GRIN2C: variants seen among roughly 807,000 people sequenced by gnomAD.
The protein encoded by GRIN2C is glutamate ionotropic receptor NMDA type subunit 2C.
A neutral mutation model predicts 77.7 loss-of-function variants in GRIN2C; 64 were observed. The observed-to-expected ratio is 0.82, with a 90% CI of 0.67 to 1.01. GRIN2C has a LOEUF of 1.01. GRIN2C is among the 50% of genes least tolerant of loss of function. The pLI is 0.00. For synonymous variants in GRIN2C, 792 were observed against 643.4 expected, an observed-to-expected ratio of 1.23 and a Z score of -3.49; for missense variants, 1,549 against 1,486.0, an observed-to-expected ratio of 1.04 and a Z score of -0.70.
chr17:74,843,013 A>G lies in GRIN2C; in HGVS notation c.3124T>C (p.Phe1042Leu). The G allele has an allele frequency of 4.4e-6, 2 of 454,100 alleles. No homozygotes were observed. Among genetic ancestry groups the G allele is most frequent in the South Asian group, 2.9e-5 (1 of 34,158 alleles). 28.1% of individuals were successfully genotyped at this position (454,100 alleles called of 1,614,324 possible). The change falls in exon 13 of 13, where the codon TTC (phenylalanine) becomes CTC (leucine). Residue 1042 changes from phenylalanine to leucine, a missense_variant. Physicochemically the swap from Phe to Leu is conservative, Grantham distance 22. Transcript: ENST00000293190. ...FPRADRSGRP[F>L]LPLFPELEDL... is the part of the protein sequence containing the mutation. The stretch of plus-strand genomic sequence containing the variant: ...TCCAGCTCCGGGAAGAGCGGGAGGA[A>G]GGGGCGGCCGGATCGGTCGGCTCGA...
chr17:74,847,752 G>C lies in GRIN2C; in HGVS notation c.1771+100C>G. On this transcript the variant is annotated intron_variant, in intron 8 of 12. Coordinates refer to ENST00000293190, the MANE Select transcript of GRIN2C (RefSeq NM_000835.6). This position sits in a 1 kb window ranked among gnomAD's most constrained non-coding sequence, Gnocchi z 5.2. ...CCCAGCATGTGCCATCCAAAAGCAA[G>C]GGACCTCCCAAAGGTATTCTCTGAA... 7.9e-7 allele frequency: 1 copy of C among 1,272,634 alleles called. No individual in the cohort carries two copies. Among genetic ancestry groups the C allele is most frequent in the Non-Finnish European group, 1.1e-6 (1 of 894,940 alleles). 78.8% of individuals were successfully genotyped at this position (1,272,634 alleles called of 1,614,324 possible). A position where few individuals can be genotyped will look rare whatever the true frequency, so the allele number is the denominator to read the frequency against.
intron 11 of GRIN2C, among the ~76,000 whole-genome samples, chr17:74,845,633 G>A (rs2037432201): frequency 6.6e-6 from 1 of 152,082 alleles, no homozygotes; most frequent in Non-Finnish European, 1.5e-5. Context: ...CTGGGTTTGG[G>A]GGCAGGCTGG....
Position 74,851,565 on chromosome 17 carries a change from C to T in GRIN2C, c.1113+12G>A, listed in dbSNP as rs1240046557. ...AGGACACTGAGGGCCCCTGGGCTCA[C>T]CCCCTTCTCACCATCTCCCAGAGGC... On this transcript the variant is annotated intron_variant, in intron 4 of 12. Coordinates refer to ENST00000293190, the MANE Select transcript of GRIN2C (RefSeq NM_000835.6). 8.6e-6 allele frequency: 13 copies of T among 1,508,638 alleles called. No individual in the cohort carries two copies. The highest frequency in any genetic ancestry group is 3.9e-5 in the Admixed American group (2 of 51,152). The allele number at this position is 1,508,638 out of a possible 1,614,324, so 93.5% of individuals were successfully genotyped here.
Position 74,842,363 on chromosome 17 carries a change from C to A in GRIN2C, c.*72G>T. 1 of 705,444 alleles carries A rather than the reference C, an allele frequency of 1.4e-6. No homozygotes were observed. The highest frequency in any genetic ancestry group is 2.6e-6 in the Non-Finnish European group (1 of 383,054). 43.7% of individuals were successfully genotyped at this position (705,444 alleles called of 1,614,324 possible). Reference sequence around the variant, plus strand: ...ATGGCAGAAGCCAGAAAAGCCCAATCCTGCCTGCCGCTTAACCCTGACAGT... The same window carrying A: ...ATGGCAGAAGCCAGAAAAGCCCAATACTGCCTGCCGCTTAACCCTGACAGT... On this transcript the variant is annotated 3_prime_UTR_variant, in exon 13 of 13. Transcript: ENST00000293190.
At chr17:74,856,475 C>T (rs1298786522) in intron 1 of GRIN2C, among the ~76,000 whole-genome samples, 1 of 93,572 alleles carries the variant, frequency 1.1e-5, no homozygotes, top group African/African-American at 3.8e-5. Flanking sequence ...AAATTTCTCT[C>T]TCTCTCTTTT....
chr17:74,850,537 C>T lies in GRIN2C; in HGVS notation c.1325+19G>A. ...GGCAGCACCCAGCTCACACTAGCCTCCCAGGGCCCTCCACAGACCTGAAGG... is the reference window on the plus strand; with the variant it reads ...GGCAGCACCCAGCTCACACTAGCCTTCCAGGGCCCTCCACAGACCTGAAGG... On this transcript the variant is annotated intron_variant, in intron 5 of 12. Coordinates refer to ENST00000293190, the MANE Select transcript of GRIN2C (RefSeq NM_000835.6). This position sits in a 1 kb window ranked among gnomAD's most constrained non-coding sequence, Gnocchi z 5.3. 1 of 1,611,424 alleles carries T rather than the reference C, an allele frequency of 6.2e-7. No homozygotes were observed. Among genetic ancestry groups the T allele is most frequent in the Non-Finnish European group, 8.5e-7 (1 of 1,178,146 alleles).
Position 74,846,854 on chromosome 17 carries a change from G to A in GRIN2C, c.2068C>T (p.Arg690Trp), listed in dbSNP as rs376630227. The A allele has an allele frequency of 3.2e-5, 52 of 1,613,984 alleles. No individual in the cohort carries two copies. The highest frequency in any genetic ancestry group is 5.5e-5 in the South Asian group (5 of 91,082). Reference protein sequence around the residue: ...FGTVPNGSTERNIRSNYRDMH... With the variant: ...FGTVPNGSTEWNIRSNYRDMH... The stretch of plus-strand genomic sequence containing the variant: ...TCACGGTAGTTACTGCGGATGTTCC[G>A]CTCCGTGCTGCCGTTGGGCACCGTG... The change falls in exon 10 of 13, where the codon CGG becomes TGG. Residue 690 changes from arginine (R) to tryptophan (W), a missense_variant. Arg to Trp is a moderately radical substitution (Grantham distance 101). Around this residue, in one of 3 missense-constraint regions of GRIN2C, gnomAD observed 717 missense variants for 858.1 expected, o/e 0.84. Coordinates refer to ENST00000293190, the MANE Select transcript of GRIN2C (RefSeq NM_000835.6). This position sits in a 1 kb window ranked among gnomAD's most constrained non-coding sequence, Gnocchi z 4.4.
chr17:74,847,272 G>GTC lies in GRIN2C; in HGVS notation c.2001+35_2001+36insGA. ...CTCACGGCCTGTCCCCACCCTCAGT[G>GTC]CCCCCCCCCACCCCCAGCAGCTATG... On this transcript the variant is annotated intron_variant, in intron 9 of 12. Transcript: ENST00000293190. This position sits in a 1 kb window ranked among gnomAD's most constrained non-coding sequence, Gnocchi z 5.2. 2 of 692,326 alleles carry GTC rather than the reference G, an allele frequency of 2.9e-6. No individual in the cohort carries two copies. The highest frequency in any genetic ancestry group is 2.8e-5 in the South Asian group (2 of 70,328). The allele number at this position is 692,326 out of a possible 1,614,324, so 42.9% of individuals were successfully genotyped here. A position where few individuals can be genotyped will look rare whatever the true frequency, so the allele number is the denominator to read the frequency against.
chr17:74,844,227 G>C, intron 12 of GRIN2C, 49 bp downstream of exon 12: 1 of 1,605,824 alleles, frequency 6.2e-7, no homozygotes, highest in Non-Finnish European at 8.5e-7. Context: ...ACTTATCTGG[G>C]TAGGTGCCCT....
In GRIN2C at chr17:74,843,337, G is replaced by A. The variant is rs1444601541; in HGVS notation, c.2800C>T (p.Pro934Ser). 1 of 1,502,130 alleles carries A rather than the reference G, an allele frequency of 6.7e-7. No homozygotes were observed. The highest frequency in any genetic ancestry group is 8.9e-7 in the Non-Finnish European group (1 of 1,121,794). 93.1% of individuals were successfully genotyped at this position (1,502,130 alleles called of 1,614,324 possible). A position where few individuals can be genotyped will look rare whatever the true frequency, so the allele number is the denominator to read the frequency against. Residue 934 changes from proline to serine, a missense_variant, in exon 13 of 13, where the codon CCC (proline) becomes TCC (serine). Physicochemically the swap from Pro to Ser is moderately conservative, Grantham distance 74 (BLOSUM62 -1). Coordinates refer to ENST00000293190, the MANE Select transcript of GRIN2C (RefSeq NM_000835.6). ...GGGCCAGACCGCGGGGTCGGGCAGG[G>A]GGACGGTGGGGGCGCACGGCGGCCG... ...GGGRRAPPPS[P>S]CPTPRSGPSP...
chr17:74,845,296 AC>A (rs1363045233), intron 11 of GRIN2C, among the ~76,000 whole-genome samples: 2 of 91,656 alleles, frequency 2.2e-5, no homozygotes, highest in Admixed American at 2.4e-4. Context: ...ACAGGGTCTC[AC>A]TCTGTCACCC....
At chr17:74,856,640 G>A (rs1210520600) in intron 1 of GRIN2C, among the ~76,000 whole-genome samples, 14 of 151,694 alleles carry the variant, frequency 9.2e-5, no homozygotes, top group South Asian at 2.1e-4. Flanking sequence ...CACCATGCCC[G>A]GCTAATTTTT....
At chr17:74,860,363 A>G, upstream of GRIN2C, 1 of 454,388 alleles carries the variant, frequency 2.2e-6, no homozygotes, top group Non-Finnish European at 4.4e-6. Context: ...CCGAGCCAGA[A>G]GTCCCCTTGG....
At chr17:74,857,272 G>A (rs190926295) in intron 1 of GRIN2C, among the ~76,000 whole-genome samples, 2 of 152,166 alleles carry the variant, frequency 1.3e-5, no homozygotes, top group African/African-American at 4.8e-5. Flanking sequence ...TAGCTGAAAG[G>A]GTTCTCATTC....
rs549726783 is a variant in GRIN2C at position 74,854,918 on chromosome 17, G to C, written c.175C>G (p.Pro59Ala). Residue 59 changes from proline to alanine, a missense_variant, in exon 2 of 13, where the codon CCC (proline) becomes GCC (alanine). By Grantham distance (27) the Pro-to-Ala change is conservative. Around this residue, in one of 3 missense-constraint regions of GRIN2C, gnomAD observed 382 missense variants for 360.0 expected, o/e 1.06. Coordinates refer to ENST00000293190, the MANE Select transcript of GRIN2C (RefSeq NM_000835.6). ...RLTPQSFLDL[P>A]LEIQPLTVGV... ...ACTGTGAGCGGCTGGATCTCCAGGG[G>C]TAGGTCCAGGAAGCTCTGGGGGGTG... 9 of 1,613,646 alleles carry C rather than the reference G, an allele frequency of 5.6e-6. No individual in the cohort carries two copies. Among genetic ancestry groups the C allele is most frequent in the Non-Finnish European group, 7.6e-6 (9 of 1,179,838 alleles).
chr17:74,852,106 C>G lies in GRIN2C; in HGVS notation c.905G>C (p.Ser302Thr). 6.8e-7 allele frequency: 1 copy of G among 1,464,794 alleles called. No individual in the cohort carries two copies. The highest frequency in any genetic ancestry group is 9.0e-7 in the Non-Finnish European group (1 of 1,107,036). The allele number at this position is 1,464,794 out of a possible 1,614,324, so 90.7% of individuals were successfully genotyped here. Residue 302 changes from serine to threonine, a missense_variant, in exon 3 of 13, where the codon AGC becomes ACC. By Grantham distance (58) the Ser-to-Thr change is moderately conservative (BLOSUM62 1). Coordinates refer to ENST00000293190, the MANE Select transcript of GRIN2C (RefSeq NM_000835.6). ...GVAILALGAHSYWRQHGTLPA... is the reference protein window; with the variant it reads ...GVAILALGAHTYWRQHGTLPA... ...CAGGGTTCCATGCTGGCGCCAGTAG[C>G]TGTGGGCGCCCAGGGCCAGAATGGC...
chr17:74,857,002 T>C (rs1409712945), intron 1 of GRIN2C, among the ~76,000 whole-genome samples: 1 of 152,194 alleles, frequency 6.6e-6, no homozygotes, highest in Non-Finnish European at 1.5e-5. Context: ...CCGTGTGTGC[T>C]GAGCCCCTTC....
At chr17:74,844,030 C>T (rs1465838905) in intron 12 of GRIN2C, 19 of 733,232 alleles carry the variant, frequency 2.6e-5, no homozygotes, top group Non-Finnish European at 3.6e-5. Context: ...CGCACCACCA[C>T]GCCCAGCTAA....
At position 74,842,585 on chromosome 17, in the gene GRIN2C, A is replaced by G. The variant is rs777662152; in HGVS notation, c.3552T>C (p.Pro1184=). ...CCAGAGTCCTGCCCCTGTGCCCCAG[A>G]GGCCCCCAGGCCCCGGAGAGCCAGG... ...HGSWLSGAWG[P]LGHRGRTLGL... Residue 1184 remains proline (P), a synonymous_variant, in exon 13 of 13, where the codon CCT becomes CCC. Coordinates refer to ENST00000293190, the MANE Select transcript of GRIN2C (RefSeq NM_000835.6). The G allele has an allele frequency of 1.3e-6, 1 of 769,480 alleles. No homozygotes were observed. The highest frequency in any genetic ancestry group is 1.4e-5 in the South Asian group (1 of 73,128). 47.7% of individuals were successfully genotyped at this position (769,480 alleles called of 1,614,324 possible).
Sources: gnomAD v4.1 joint callset for allele counts (sites outside exome capture counted in the v4.1 genomes callset) on GRCh38, gnomAD v4.1.1 for gene constraint, gnomAD v4.1.1 regional missense constraint, Gnocchi (gnomAD v3.1) non-coding constraint, MANE v1.5 for transcripts, NCBI Gene and HGNC (gene_info 2026-07-23, HGNC 2026-07-21) for gene names.